Variants in SPTLC2 observed in about 807,000 individuals in gnomAD.
SPTLC2 encodes the protein serine palmitoyltransferase long chain base subunit 2.
SPTLC2 carries 21 observed loss-of-function variants against 62.0 expected under a neutral mutation model. The ratio of observed to expected loss-of-function variants is 0.34; its 90% CI spans 0.24 to 0.49. The LOEUF is 0.49. Among genes scored for constraint, SPTLC2 ranks in the 20% least tolerant of loss-of-function variants. The probability of loss-of-function intolerance (pLI) is 0.99; values close to 1 mark genes in which losing one functional copy is unlikely to be tolerated. For synonymous variants in SPTLC2, 261 were observed against 261.8 expected (o/e 1.00, Z 0.03); for missense variants, 511 against 713.0 (o/e 0.72, Z 3.23).
chr14:77,546,647 T>C (rs1291545265), intron 9 of SPTLC2, among the ~76,000 whole-genome samples: 1 of 152,206 alleles, frequency 6.6e-6, no homozygotes, highest in Non-Finnish European at 1.5e-5. Context: ...AGATCACCTA[T>C]TGTTCAACTC....
chr14:77,552,326 C>T, intron 8 of SPTLC2, 104 bp from the exon 9 acceptor site: 1 of 1,344,024 alleles, frequency 7.4e-7, no homozygotes, highest in African/African-American at 1.4e-5. Flanking sequence ...TTCAATGGCA[C>T]TGGAATAGGG....
chr14:77,581,835 CCAA>C (rs2079752910), intron 2 of SPTLC2, among the ~76,000 whole-genome samples: 1 of 152,062 alleles, frequency 6.6e-6, no homozygotes, highest in Non-Finnish European at 1.5e-5. Flanking sequence ...TGATAGCCTT[CCAA>C]CAAGTATACT....
At chr14:77,577,067 TA>T (rs1413562569) in intron 3 of SPTLC2, 152 bp from the exon 4 acceptor site, 1 of 816,388 alleles carries the variant, frequency 1.2e-6, no homozygotes, top group African/African-American at 1.7e-5. Context: ...AAATAGAAGT[TA>T]AAATAATCAA....
At chr14:77,578,418 T>C (rs149658701) in intron 3 of SPTLC2, among the ~76,000 whole-genome samples, 2,863 of 152,000 alleles carry the variant, frequency 0.019, 95 homozygotes, top group African/African-American at 0.063. Flanking sequence ...GAGTTATTTT[T>C]AAAAATAAAG....
At position 77,508,216 on chromosome 14, in the gene SPTLC2, T is replaced by C. The variant is rs2079315521; in HGVS notation, c.*4068A>G. On this transcript the variant is annotated 3_prime_UTR_variant, in exon 12 of 12. Transcript: ENST00000216484. ...AAAATTTTTGTAGAGACAGGGTCTA[T>C]CTTGCCCTGGCTGTCCTAACAATTC... is the stretch of plus-strand genomic sequence containing the variant. The C allele has an allele frequency of 6.6e-6, 1 of 152,220 alleles. No homozygotes were observed. The highest frequency in any genetic ancestry group is 2.4e-5 in the African/African-American group (1 of 41,452). 9.4% of individuals were successfully genotyped at this position (152,220 alleles called of 1,614,324 possible).
intron 4 of SPTLC2, among the ~76,000 whole-genome samples, chr14:77,575,956 C>T (rs1206442614): frequency 6.6e-6 from 1 of 152,198 alleles, no homozygotes; most frequent in Non-Finnish European, 1.5e-5. Context: ...CACAGAGCTC[C>T]AGCCACCGCA....
At position 77,570,474 on chromosome 14, in the gene SPTLC2, A is replaced by C. The variant is rs185957601; in HGVS notation, c.666T>G (p.Leu222=). The C allele has an allele frequency of 1.2e-6, 2 of 1,613,886 alleles. No homozygotes were observed. The highest frequency in any genetic ancestry group is 1.7e-6 in the Non-Finnish European group (2 of 1,179,996). ...NLDKHEELEE[L]VARFLGVEAA... is the part of the protein sequence containing the mutation. ...CTTCTACTCCTAAGAACCTTGCTAC[A>C]AGCTCCTCTAGTTCTTCATGCTTGT... The change falls in exon 5 of 12, where the codon CTT becomes CTG. Residue 222 remains leucine (L), a synonymous_variant. Coordinates refer to ENST00000216484, the MANE Select transcript of SPTLC2 (RefSeq NM_004863.4).
intron 2 of SPTLC2, among the ~76,000 whole-genome samples, chr14:77,584,490 T>C (rs543882809): frequency 1.2e-4 from 17 of 147,752 alleles, no homozygotes; most frequent in Admixed American, 9.0e-4. Flanking sequence ...TATGTAAATA[T>C]ACATACTCTG....
chr14:77,568,642 A>G (rs1294176782), intron 5 of SPTLC2, among the ~76,000 whole-genome samples: 1 of 152,106 alleles, frequency 6.6e-6, no homozygotes, highest in Non-Finnish European at 1.5e-5. Context: ...CCCCGTCTGT[A>G]CTAAAAATAC....
At chr14:77,578,108 G>A (rs1458887188) in intron 3 of SPTLC2, among the ~76,000 whole-genome samples, 4 of 152,158 alleles carry the variant, frequency 2.6e-5, no homozygotes, top group African/African-American at 9.7e-5. Context: ...TTGTGACACT[G>A]CACTCCAGCC....
intron 2 of SPTLC2, among the ~76,000 whole-genome samples, chr14:77,579,570 G>A (rs760074781): frequency 6.6e-6 from 1 of 152,076 alleles, no homozygotes; most frequent in Non-Finnish European, 1.5e-5. Flanking sequence ...GCAACATAGC[G>A]AGACTCTGTC....
chr14:77,594,041 AT>A (rs1230591337), intron 2 of SPTLC2, among the ~76,000 whole-genome samples: 1 of 152,194 alleles, frequency 6.6e-6, no homozygotes, highest in Non-Finnish European at 1.5e-5. Flanking sequence ...ATTTAATAAA[AT>A]CCTCTCCATA....
chr14:77,540,693 T>A (rs980143989), intron 9 of SPTLC2, among the ~76,000 whole-genome samples: 5 of 152,162 alleles, frequency 3.3e-5, no homozygotes, highest in Admixed American at 3.3e-4. Context: ...CAGGCTGGTC[T>A]CGAACTCCTG....
At position 77,589,538 on chromosome 14, in the gene SPTLC2, C is replaced by T. The variant is rs182788605; in HGVS notation, c.327+7648G>A. ...GGCACGGTGGCTCATGCCTGTAATC[C>T]CAGTACTTTGGGAGGTCGAGGTGGG... On this transcript the variant is annotated intron_variant, in intron 2 of 11. Coordinates refer to ENST00000216484, the MANE Select transcript of SPTLC2 (RefSeq NM_004863.4). Among the ~76,000 whole-genome samples the T allele has an allele frequency of 2.4e-3, 367 of 151,474 alleles. 1 individual carries two copies. Among genetic ancestry groups the T allele is most frequent in the African/African-American group, 8.3e-3 (343 of 41,212 alleles).
chr14:77,604,792 G>A (rs2079896106), intron 1 of SPTLC2, among the ~76,000 whole-genome samples: 1 of 150,714 alleles, frequency 6.6e-6, no homozygotes, highest in South Asian at 2.1e-4. Flanking sequence ...GCTTGAACCT[G>A]GGAGGCGGAG....
chr14:77,543,341 T>C (rs1185232663), intron 9 of SPTLC2, among the ~76,000 whole-genome samples: 1 of 152,128 alleles, frequency 6.6e-6, no homozygotes, highest in Non-Finnish European at 1.5e-5. Context: ...TCTACTGTCC[T>C]CTGTTGGGGC....
rs764557377 is a variant in SPTLC2, at chr14:77,597,211, T to C, written c.302A>G (p.His101Arg). The change falls in exon 2 of 12, where the codon CAT (histidine) becomes CGT (arginine). Residue 101 changes from histidine (H) to arginine (R), a missense_variant. Coordinates refer to ENST00000216484, the MANE Select transcript of SPTLC2 (RefSeq NM_004863.4). ...LRYWRIEKCH[H>R]ATEREEQKDF... ...CTTTTGTTCTTCTCTTTCTGTTGCA[T>C]GGTGACACTTTTCAATTCTCCAATA... 3.1e-6 allele frequency: 5 copies of C among 1,614,176 alleles called. No individual in the cohort carries two copies. Among genetic ancestry groups the C allele is most frequent in the Non-Finnish European group, 1.7e-6 (2 of 1,180,016 alleles).
At chr14:77,569,800 T>C (rs1468023230) in intron 5 of SPTLC2, among the ~76,000 whole-genome samples, 5 of 136,484 alleles carry the variant, frequency 3.7e-5, no homozygotes, top group Admixed American at 1.5e-4. Context: ...ATATATATAA[T>C]ATGTAACATA....
intron 2 of SPTLC2, among the ~76,000 whole-genome samples, chr14:77,592,976 G>A (rs1166768678): frequency 6.6e-6 from 1 of 151,992 alleles, no homozygotes; most frequent in Non-Finnish European, 1.5e-5. Flanking sequence ...GGTGGTGCAT[G>A]ACTGTAATTC....
Sources: gnomAD v4.1 joint callset for allele counts (sites outside exome capture counted in the v4.1 genomes callset) on GRCh38, gnomAD v4.1.1 for gene constraint, MANE v1.5 for transcripts, NCBI Gene and HGNC (gene_info 2026-07-23, HGNC 2026-07-21) for gene names.